Variants in DNM3 observed in about 807,000 individuals in gnomAD.
DNM3 encodes dynamin-3.
DNM3 carries 47 observed loss-of-function variants against 101.6 expected under a neutral mutation model. That is an observed-to-expected ratio of 0.46 (90% CI 0.37 to 0.59). The LOEUF is 0.59. DNM3 is among the 20% of genes least tolerant of loss of function. The pLI is 0.00. For missense variants in DNM3, 849 were observed against 1,085.7 expected, an observed-to-expected ratio of 0.78 and a Z score of 3.06; for synonymous variants, 385 against 387.9, an observed-to-expected ratio of 0.99 and a Z score of 0.09.
intron 14 of DNM3, among the ~76,000 whole-genome samples, chr1:172,217,652 C>T (rs1288689929): frequency 2.6e-5 from 4 of 152,090 alleles, no homozygotes; most frequent in Non-Finnish European, 5.9e-5. Context: ...TAGCCTGTAT[C>T]TTACAATCTA....
At chr1:172,390,631 G>A (rs1307561511) in intron 20 of DNM3, among the ~76,000 whole-genome samples, 2 of 152,212 alleles carry the variant, frequency 1.3e-5, no homozygotes, top group Non-Finnish European at 2.9e-5. Flanking sequence ...CCACTGCACT[G>A]TAGTATTCAA....
At chr1:172,253,010 C>T (rs1382692907) in intron 14 of DNM3, among the ~76,000 whole-genome samples, 1 of 152,008 alleles carries the variant, frequency 6.6e-6, no homozygotes, top group African/African-American at 2.4e-5. Flanking sequence ...ACTTTTTATG[C>T]TTTATCATAG....
At chr1:172,065,585 G>T (rs1393226083) in intron 10 of DNM3, among the ~76,000 whole-genome samples, 1 of 152,112 alleles carries the variant, frequency 6.6e-6, no homozygotes, top group Non-Finnish European at 1.5e-5. Context: ...GCTTTTTCTG[G>T]AGAATGTTTC....
chr1:172,230,518 AT>A (rs1214223811), intron 14 of DNM3, among the ~76,000 whole-genome samples: 1 of 152,198 alleles, frequency 6.6e-6, no homozygotes, highest in Non-Finnish European at 1.5e-5. Context: ...TTCATGCCCA[AT>A]ATAGGACACA....
intron 14 of DNM3, among the ~76,000 whole-genome samples, chr1:172,225,134 CTTTTTT>C (rs1168334078): frequency 1.2e-4 from 8 of 65,528 alleles, no homozygotes; most frequent in South Asian, 7.3e-4. Flanking sequence ...TCTTCTTCCT[CTTTTTT>C]TTTTTTTTTT....
At chr1:172,003,288 C>T (rs1382075097) in intron 4 of DNM3, among the ~76,000 whole-genome samples, 2 of 151,992 alleles carry the variant, frequency 1.3e-5, no homozygotes, top group Non-Finnish European at 2.9e-5. Context: ...TATGCAATTA[C>T]ATCTTACTCC....
At chr1:172,023,722 T>C (rs768731174) in intron 4 of DNM3, among the ~76,000 whole-genome samples, 10 of 152,122 alleles carry the variant, frequency 6.6e-5, no homozygotes, top group Non-Finnish European at 1.3e-4. Context: ...CTTTTACTTA[T>C]AGGACATTTT....
intron 2 of DNM3, among the ~76,000 whole-genome samples, chr1:171,971,784 T>G (rs1032124911): frequency 2.0e-5 from 3 of 152,136 alleles, no homozygotes; most frequent in Non-Finnish European, 4.4e-5. Context: ...ATTGAAAATA[T>G]AATATTTTCA....
At chr1:172,388,126 C>T (rs59377835) in intron 19 of DNM3, among the ~76,000 whole-genome samples, 6 of 151,812 alleles carry the variant, frequency 4.0e-5, no homozygotes, top group East Asian at 3.9e-4. Flanking sequence ...CCCAGCTACT[C>T]GGGAGGCTGA....
At chr1:172,298,288 G>C (rs1405641593) in intron 15 of DNM3, among the ~76,000 whole-genome samples, 1 of 151,982 alleles carries the variant, frequency 6.6e-6, no homozygotes, top group Admixed American at 6.6e-5. Context: ...ATTTTCATTT[G>C]TTCTTCATGG....
intron 13 of DNM3, among the ~76,000 whole-genome samples, chr1:172,125,627 G>A (rs1162299362): frequency 6.6e-6 from 1 of 152,002 alleles, no homozygotes; most frequent in African/African-American, 2.4e-5. Context: ...ATATTTATGG[G>A]CAATAAATTT....
intron 1 of DNM3, among the ~76,000 whole-genome samples, chr1:171,863,172 C>T (rs991874849): frequency 1.3e-5 from 2 of 151,306 alleles, no homozygotes; most frequent in Non-Finnish European, 2.9e-5. Flanking sequence ...TAAGGTAAGA[C>T]CCAGAAGAAG....
chr1:172,295,818 T>G (rs564540736), intron 15 of DNM3, among the ~76,000 whole-genome samples: 1 of 152,166 alleles, frequency 6.6e-6, no homozygotes, highest in South Asian at 2.1e-4. Flanking sequence ...ATTATACTGT[T>G]GACATTTATA....
At chr1:172,145,382 C>CTCCCTCCT (rs2057833028) in intron 14 of DNM3, among the ~76,000 whole-genome samples, 1 of 150,628 alleles carries the variant, frequency 6.6e-6, no homozygotes, top group Non-Finnish European at 1.5e-5. Context: ...CTCTCCCTCC[C>CTCCCTCCT]TCCCTCCTTC....
chr1:172,293,335 C>G (rs536403528), intron 15 of DNM3, among the ~76,000 whole-genome samples: 52 of 152,324 alleles, frequency 3.4e-4, no homozygotes, highest in African/African-American at 1.2e-3. Context: ...ATGGTCTCAT[C>G]ATGAGGTCCT....
At chr1:172,395,312 A>G (rs1225148489) in intron 20 of DNM3, among the ~76,000 whole-genome samples, 2 of 151,826 alleles carry the variant, frequency 1.3e-5, no homozygotes, top group Non-Finnish European at 2.9e-5. Flanking sequence ...CTGGGATTAC[A>G]GGCGTGCACC....
intron 12 of DNM3, among the ~76,000 whole-genome samples, chr1:172,090,128 C>A (rs1572462242): frequency 6.6e-6 from 1 of 152,150 alleles, no homozygotes; most frequent in Non-Finnish European, 1.5e-5. Flanking sequence ...TCAAAGGAAG[C>A]ACCTGTGGGT....
intron 2 of DNM3, among the ~76,000 whole-genome samples, chr1:171,975,481 A>C (rs149355061): frequency 1.2e-4 from 19 of 152,320 alleles, no homozygotes; most frequent in Admixed American, 1.2e-3. Context: ...TACTTAAGTG[A>C]CTTCTCTATT....
At chr1:171,946,296 C>T (rs1044040435) in intron 2 of DNM3, among the ~76,000 whole-genome samples, 1 of 152,064 alleles carries the variant, frequency 6.6e-6, no homozygotes, top group Non-Finnish European at 1.5e-5. Context: ...CTAGAGTTCA[C>T]AGAAAAATGT....
Sources: gnomAD v4.1 joint callset for allele counts (sites outside exome capture counted in the v4.1 genomes callset) on GRCh38, gnomAD v4.1.1 for gene constraint, MANE v1.5 for transcripts, NCBI Gene and HGNC (gene_info 2026-07-23, HGNC 2026-07-21) for gene names.